Variants in ZHX2 observed in about 807,000 individuals in gnomAD.
ZHX2 encodes zinc fingers and homeoboxes 2, also known as zinc fingers and homeoboxes protein 2.
Under a neutral mutation model 21.9 loss-of-function variants are expected in ZHX2, and 6 were observed. That is an observed-to-expected ratio of 0.27 (90% CI 0.15 to 0.54). ZHX2 has a LOEUF of 0.54. Ranked by LOEUF, ZHX2 falls within the 20% of genes least tolerant of loss-of-function variation. The pLI is 0.95. For synonymous variants in ZHX2, 434 were observed against 437.1 expected (o/e 0.99, Z 0.09); for missense variants, 908 against 1,090.7 (o/e 0.83, Z 2.36).
chr8:122,935,111 A>G (rs1812647974), intron 2 of ZHX2, among the ~76,000 whole-genome samples: 2 of 151,664 alleles, frequency 1.3e-5, no homozygotes, highest in Admixed American at 6.6e-5. Context: ...ATTTCTTCTA[A>G]TATTTGATCT....
At chr8:122,868,994 C>T (rs1163980593) in intron 2 of ZHX2, among the ~76,000 whole-genome samples, 1 of 152,204 alleles carries the variant, frequency 6.6e-6, no homozygotes, top group East Asian at 1.9e-4. Flanking sequence ...AGAGCTGGGG[C>T]TCTAAGGCAG....
At chr8:122,841,203 C>G (rs989327646) in intron 1 of ZHX2, among the ~76,000 whole-genome samples, 8 of 152,176 alleles carry the variant, frequency 5.3e-5, no homozygotes, top group Non-Finnish European at 1.2e-4. Flanking sequence ...CAGGAAACCA[C>G]TAGCCCTAAT....
At chr8:122,810,834 C>T (rs145783443) in intron 1 of ZHX2, among the ~76,000 whole-genome samples, 2 of 151,890 alleles carry the variant, frequency 1.3e-5, no homozygotes, top group East Asian at 3.9e-4. Flanking sequence ...GGTACGTGTG[C>T]ACATTGTGCA....
intron 1 of ZHX2, among the ~76,000 whole-genome samples, chr8:122,827,567 A>G (rs1020380114): frequency 6.6e-6 from 1 of 152,228 alleles, no homozygotes; most frequent in African/African-American, 2.4e-5. Flanking sequence ...AAATTAAGTA[A>G]CAGACCCAAG....
chr8:122,798,766 T>G (rs1160267878), intron 1 of ZHX2, among the ~76,000 whole-genome samples: 1 of 149,656 alleles, frequency 6.7e-6, no homozygotes, highest in African/African-American at 2.5e-5. Context: ...GCCACTGCAC[T>G]CCAGCCTGGG....
At chr8:122,940,153 A>G (rs551484197) in intron 2 of ZHX2, among the ~76,000 whole-genome samples, 1 of 152,048 alleles carries the variant, frequency 6.6e-6, no homozygotes, top group South Asian at 2.1e-4. Flanking sequence ...AGAAAAGTGG[A>G]CTCCTAGTAA....
Position 122,828,842 on chromosome 8 carries a change from G to T in ZHX2, c.-282-34635G>T, listed in dbSNP as rs2130665228. Among the ~76,000 whole-genome samples, 1 of 152,270 alleles carries T rather than the reference G, an allele frequency of 6.6e-6. No homozygotes were observed. The highest frequency in any genetic ancestry group is 1.5e-5 in the Non-Finnish European group (1 of 68,020). Reference sequence around the variant, plus strand: ...TTGGGCTCTACCCAGGGTGTTGTAGGTTTTTATTTTATTTTATTTTATTTT... The same window carrying T: ...TTGGGCTCTACCCAGGGTGTTGTAGTTTTTTATTTTATTTTATTTTATTTT... On this transcript the variant is annotated intron_variant, in intron 1 of 3. Transcript: ENST00000314393. The surrounding 1 kb of genome is among the most constrained non-coding windows in gnomAD (Gnocchi z 5.2).
At chr8:122,797,128 A>G (rs1166280079) in intron 1 of ZHX2, among the ~76,000 whole-genome samples, 2 of 152,218 alleles carry the variant, frequency 1.3e-5, no homozygotes, top group African/African-American at 4.8e-5. Flanking sequence ...AAGCTATGAT[A>G]CAGTGACAGG....
At chr8:122,896,238 T>C (rs1820098105) in intron 2 of ZHX2, among the ~76,000 whole-genome samples, 1 of 152,102 alleles carries the variant, frequency 6.6e-6, no homozygotes, top group Non-Finnish European at 1.5e-5. Flanking sequence ...TTTTTTTTTT[T>C]TCTTAAGGGC....
At chr8:122,943,740 T>A (rs182315751) in intron 2 of ZHX2, among the ~76,000 whole-genome samples, 4 of 152,204 alleles carry the variant, frequency 2.6e-5, no homozygotes, top group African/African-American at 9.7e-5. Flanking sequence ...GCTGAGATTA[T>A]TGTTTAGCTG....
chr8:122,943,272 T>A (rs555140252), intron 2 of ZHX2, among the ~76,000 whole-genome samples: 12 of 151,272 alleles, frequency 7.9e-5, no homozygotes, highest in East Asian at 1.9e-4. Context: ...AAAAAAAAAA[T>A]AAAAATAAAA....
chr8:122,844,029 C>A (rs953055075), intron 1 of ZHX2, among the ~76,000 whole-genome samples: 2 of 151,794 alleles, frequency 1.3e-5, no homozygotes, highest in South Asian at 4.1e-4. Flanking sequence ...TTTACATCCG[C>A]AAGGACCTCA....
At chr8:122,887,991 C>CCGTG (rs1167838646) in intron 2 of ZHX2, among the ~76,000 whole-genome samples, 1 of 152,252 alleles carries the variant, frequency 6.6e-6, no homozygotes, top group African/African-American at 2.4e-5. Flanking sequence ...CAGCCTCCTG[C>CCGTG]CGTGGGTGGT....
In ZHX2 at chr8:122,954,044, C is replaced by T. The variant is rs1311213573; in HGVS notation, c.*4+16C>T. ...GCCTAGACAGGTAATTCCACCTGCT[C>T]ACCCAGGCAGCAGGGGAGAACGCAG... On this transcript the variant is annotated intron_variant, in intron 3 of 3. Coordinates refer to ENST00000314393, the MANE Select transcript of ZHX2 (RefSeq NM_014943.5). 2.6e-6 allele frequency: 4 copies of T among 1,560,014 alleles called. No homozygotes were observed. Among genetic ancestry groups the T allele is most frequent in the South Asian group, 1.2e-5 (1 of 82,238 alleles).
chr8:122,880,599 A>C (rs1443724994), intron 2 of ZHX2, among the ~76,000 whole-genome samples: 2 of 152,008 alleles, frequency 1.3e-5, no homozygotes, highest in Non-Finnish European at 2.9e-5. Flanking sequence ...ACATGGTGAA[A>C]TCCCATTTCT....
At chr8:122,847,166 T>TA (rs1182222374) in intron 1 of ZHX2, among the ~76,000 whole-genome samples, 1 of 152,194 alleles carries the variant, frequency 6.6e-6, no homozygotes, top group African/African-American at 2.4e-5. Context: ...CAAAGGGACT[T>TA]ACATTTGCAC....
intron 2 of ZHX2, among the ~76,000 whole-genome samples, chr8:122,915,183 C>T (rs1417558916): frequency 1.3e-5 from 2 of 152,164 alleles, no homozygotes; most frequent in Non-Finnish European, 2.9e-5. Flanking sequence ...AGGGGCCATA[C>T]AGCTGTGAGT....
intron 2 of ZHX2, among the ~76,000 whole-genome samples, chr8:122,931,405 A>G (rs551097113): frequency 1.5e-4 from 22 of 151,328 alleles, no homozygotes; most frequent in African/African-American, 5.1e-4. Flanking sequence ...GACGGAAAGA[A>G]GAGAGAGAGA....
At chr8:122,937,273 G>A (rs1812722098) in intron 2 of ZHX2, among the ~76,000 whole-genome samples, 1 of 152,250 alleles carries the variant, frequency 6.6e-6, no homozygotes, top group Admixed American at 6.5e-5. Flanking sequence ...CCAGGATGGG[G>A]AAGAAGTGGA....
Sources: allele counts gnomAD v4.1 joint callset (sites outside exome capture counted in the v4.1 genomes callset), GRCh38; gene constraint gnomAD v4.1.1; non-coding constraint Gnocchi (gnomAD v3.1); transcripts MANE v1.5; gene names NCBI Gene and HGNC (gene_info 2026-07-23, HGNC 2026-07-21).